JAM3: variants seen among roughly 807,000 people sequenced by gnomAD.
JAM3 encodes the protein junctional adhesion molecule 3, also known as junctional adhesion molecule C.
In JAM3, 31 loss-of-function variants were observed where a neutral mutation model predicts 39.4. The observed-to-expected ratio is 0.79, with a 90% CI of 0.59 to 1.06. JAM3 has a LOEUF of 1.06. Ranked by LOEUF, JAM3 falls within the 50% of genes least tolerant of loss-of-function variation. The pLI is 0.00. For missense variants in JAM3, 455 were observed against 391.4 expected, an observed-to-expected ratio of 1.16 and a Z score of -1.37; for synonymous variants, 182 against 148.7, an observed-to-expected ratio of 1.22 and a Z score of -1.63.
chr11:134,108,766 T>G (rs562845076), intron 1 of JAM3, among the ~76,000 whole-genome samples: 1 of 152,212 alleles, frequency 6.6e-6, no homozygotes, highest in East Asian at 1.9e-4. Context: ...AAAAAACTTT[T>G]GGAATAGGAA....
At chr11:134,077,305 G>A (rs1941585521) in intron 1 of JAM3, among the ~76,000 whole-genome samples, 3 of 151,332 alleles carry the variant, frequency 2.0e-5, no homozygotes, top group African/African-American at 7.3e-5. Context: ...ACTTTTTAAT[G>A]GGATTATTTT....
At chr11:134,114,868 C>T (rs1442798582) in intron 1 of JAM3, among the ~76,000 whole-genome samples, 1 of 152,138 alleles carries the variant, frequency 6.6e-6, no homozygotes, top group Non-Finnish European at 1.5e-5. Context: ...TCAAGTTAGT[C>T]GATAGAATTT....
intron 1 of JAM3, among the ~76,000 whole-genome samples, chr11:134,112,355 T>A (rs1451802606): frequency 6.6e-6 from 1 of 152,198 alleles, no homozygotes; most frequent in Non-Finnish European, 1.5e-5. Flanking sequence ...CCCAAAGTGC[T>A]GGGATTACAG....
intron 1 of JAM3, among the ~76,000 whole-genome samples, chr11:134,129,349 C>T (rs1201320399): frequency 6.6e-6 from 1 of 152,078 alleles, no homozygotes. Context: ...ATCTCCTGAC[C>T]TTGTTATCTG....
intron 1 of JAM3, among the ~76,000 whole-genome samples, chr11:134,110,624 G>C (rs901877130): frequency 1.3e-5 from 2 of 152,116 alleles, no homozygotes; most frequent in African/African-American, 2.4e-5. Flanking sequence ...GTGGTTGCCT[G>C]GGGACAGGGC....
chr11:134,089,044 C>T (rs1172233123), intron 1 of JAM3, among the ~76,000 whole-genome samples: 1 of 152,178 alleles, frequency 6.6e-6, no homozygotes, highest in Non-Finnish European at 1.5e-5. Flanking sequence ...TGGATATGAT[C>T]TGTGGGACAT....
chr11:134,075,294 T>C (rs1231736802), intron 1 of JAM3, among the ~76,000 whole-genome samples: 1 of 152,136 alleles, frequency 6.6e-6, no homozygotes, highest in African/African-American at 2.4e-5. Context: ...GCTGGACTTG[T>C]ACAGATAATT....
intron 1 of JAM3, among the ~76,000 whole-genome samples, chr11:134,130,677 C>T (rs191737517): frequency 1.3e-5 from 2 of 152,328 alleles, no homozygotes; most frequent in East Asian, 3.9e-4. Context: ...TATTTTTACA[C>T]ACCCTTGCCC....
At position 134,151,754 on chromosome 11, in the gene JAM3, AC is replaced by A. The variant is rs1943243599; in HGVS notation, c.*2574del. 1 of 152,136 alleles carries A rather than the reference AC, an allele frequency of 6.6e-6. No homozygotes were observed. The highest frequency in any genetic ancestry group is 1.5e-5 in the Non-Finnish European group (1 of 68,018). 9.4% of individuals were successfully genotyped at this position (152,136 alleles called of 1,614,324 possible). ...TTATAAAAGCTTCAAAAAAACCCAA[AC>A]ATTGCTTCATTCTTTGTTATTTGCT... On this transcript the variant is annotated 3_prime_UTR_variant, in exon 9 of 9. Coordinates refer to ENST00000299106, the MANE Select transcript of JAM3 (RefSeq NM_032801.5).
chr11:134,145,629 G>A (rs542513263), intron 5 of JAM3, among the ~76,000 whole-genome samples: 4 of 152,150 alleles, frequency 2.6e-5, no homozygotes, highest in African/African-American at 7.2e-5. Context: ...TTTTAACAGG[G>A]TCCTCTGTGT....
intron 1 of JAM3, among the ~76,000 whole-genome samples, chr11:134,103,166 G>T (rs183103409): frequency 6.6e-6 from 1 of 152,120 alleles, no homozygotes; most frequent in Admixed American, 6.6e-5. Context: ...TGGATTTCTC[G>T]GCAGAAACTC....
intron 1 of JAM3, among the ~76,000 whole-genome samples, chr11:134,137,447 T>C (rs1942887809): frequency 6.6e-6 from 1 of 152,218 alleles, no homozygotes. Flanking sequence ...CTTGGCTTCA[T>C]ACTTCTTAAG....
At chr11:134,113,187 C>G (rs528718184) in intron 1 of JAM3, among the ~76,000 whole-genome samples, 2 of 144,908 alleles carry the variant, frequency 1.4e-5, no homozygotes, top group Admixed American at 6.9e-5. Context: ...GGTTCTGGGA[C>G]TGGACTGTCT....
rs950879934 is a variant in JAM3, at chr11:134,138,749, G to A, written c.77-1102G>A. Among the ~76,000 whole-genome samples the A allele has an allele frequency of 2.6e-5, 4 of 152,236 alleles. No individual in the cohort carries two copies. In the East Asian group the frequency reaches 7.7e-4, roughly 29 times the overall value. On this transcript the variant is annotated intron_variant, in intron 1 of 8. Transcript: ENST00000299106. ...TGTGGAAGTGTTTTAGGAACCAATA[G>A]CAATTCAGGTATATTACACTTCTGT...
chr11:134,117,820 G>A (rs569567748), intron 1 of JAM3, among the ~76,000 whole-genome samples: 1 of 152,224 alleles, frequency 6.6e-6, no homozygotes, highest in South Asian at 2.1e-4. Context: ...TCTGAAGAAG[G>A]GTGATCACTC....
chr11:134,117,647 G>A (rs1224389412), intron 1 of JAM3, among the ~76,000 whole-genome samples: 1 of 152,190 alleles, frequency 6.6e-6, no homozygotes, highest in Non-Finnish European at 1.5e-5. Context: ...AGGTTTTGCA[G>A]CTTGAATATG....
intron 1 of JAM3, among the ~76,000 whole-genome samples, chr11:134,099,152 G>T (rs1177649151): frequency 6.6e-6 from 1 of 152,072 alleles, no homozygotes; most frequent in Admixed American, 6.5e-5. Context: ...AGTGAGCTGT[G>T]ATCATGCCAC....
At chr11:134,141,298 A>G (rs1372406432) in intron 3 of JAM3, among the ~76,000 whole-genome samples, 1 of 152,028 alleles carries the variant, frequency 6.6e-6, no homozygotes, top group Non-Finnish European at 1.5e-5. Context: ...GTGCGGTGTG[A>G]AGGGTGGCTG....
At chr11:134,071,450 C>CT (rs1941482915) in intron 1 of JAM3, among the ~76,000 whole-genome samples, 1 of 152,210 alleles carries the variant, frequency 6.6e-6, no homozygotes, top group Non-Finnish European at 1.5e-5. Context: ...GTTTTCAACA[C>CT]TATGTGGTTT....
Sources: gnomAD v4.1 joint callset for allele counts (sites outside exome capture counted in the v4.1 genomes callset) on GRCh38, gnomAD v4.1.1 for gene constraint, MANE v1.5 for transcripts, NCBI Gene and HGNC (gene_info 2026-07-23, HGNC 2026-07-21) for gene names.